The following TXNDC15 variants were observed in gnomAD, a reference collection of about 807,000 sequenced individuals.
TXNDC15 encodes the protein thioredoxin domain containing 15.
Under a neutral mutation model 35.0 loss-of-function variants are expected in TXNDC15, and 24 were observed. The ratio of observed to expected loss-of-function variants is 0.68; its 90% CI spans 0.50 to 0.96. The LOEUF (loss-of-function observed/expected upper bound fraction) is 0.96. Ranked by LOEUF, TXNDC15 falls within the 40% of genes least tolerant of loss-of-function variation. The pLI is 0.00. For synonymous variants in TXNDC15, 169 were observed against 174.0 expected, an observed-to-expected ratio of 0.97 and a Z score of 0.23; for missense variants, 385 against 453.3, an observed-to-expected ratio of 0.85 and a Z score of 1.37.
intron 1 of TXNDC15, chr5:134,875,134 T>A (rs1050824503): frequency 2.2e-6 from 1 of 456,138 alleles, no homozygotes; most frequent in African/African-American, 2.0e-5. Flanking sequence ...CTCAGCTCCC[T>A]GCATGAAAAA....
At position 134,887,698 on chromosome 5, in the gene TXNDC15, C is replaced by T; in HGVS notation, c.107C>T (p.Ala36Val). The T allele has an allele frequency of 1.3e-6, 2 of 1,564,078 alleles. No individual in the cohort carries two copies. The highest frequency in any genetic ancestry group is 2.7e-5 in the African/African-American group (2 of 73,532). Residue 36 changes from alanine to valine, a missense_variant, in exon 2 of 5, where the codon GCA becomes GTA. Transcript: ENST00000358387. ...TGAATGTGCTGGCATGTTTTAGTTG[C>T]AGAGGAAAGTGGTCGCTTATGGTCA... Reference protein sequence around the residue: ...LGLPVRGVEVAEESGRLWSEE... With the variant: ...LGLPVRGVEVVEESGRLWSEE...
intron 2 of TXNDC15, among the ~76,000 whole-genome samples, chr5:134,891,405 T>G (rs1750385352): frequency 6.6e-6 from 1 of 152,188 alleles, no homozygotes; most frequent in South Asian, 2.1e-4. Flanking sequence ...CTTGTGCATC[T>G]CCACCAGAAC....
At chr5:134,898,030 A>G (rs1251316914) in intron 4 of TXNDC15, among the ~76,000 whole-genome samples, 1 of 151,910 alleles carries the variant, frequency 6.6e-6, no homozygotes, top group Non-Finnish European at 1.5e-5. Flanking sequence ...AAAAAAAAAA[A>G]GAGAAACAGA....
In TXNDC15 at chr5:134,900,765, A is replaced by T. The variant is rs1750585436; in HGVS notation, c.*1080A>T. The T allele has an allele frequency of 6.6e-6, 1 of 152,278 alleles. No homozygotes were observed. Among genetic ancestry groups the T allele is most frequent in the South Asian group, 2.1e-4 (1 of 4,834 alleles). 9.4% of individuals were successfully genotyped at this position (152,278 alleles called of 1,614,324 possible). A position where few individuals can be genotyped will look rare whatever the true frequency, so the allele number is the denominator to read the frequency against. The stretch of plus-strand genomic sequence containing the variant: ...TCTAGTTCAAGACACATGTTTAGTA[A>T]AGAGACAACATGTAATTTAAACAAA... On this transcript the variant is annotated 3_prime_UTR_variant, in exon 5 of 5. Transcript: ENST00000358387.
At chr5:134,881,682 C>T (rs1195266467) in intron 1 of TXNDC15, among the ~76,000 whole-genome samples, 2 of 145,498 alleles carry the variant, frequency 1.4e-5, no homozygotes, top group East Asian at 2.1e-4. Context: ...CATCATGGCC[C>T]GTTCTCAATG....
At position 134,878,727 on chromosome 5, in the gene TXNDC15, A is replaced by C. The variant is rs547029243; in HGVS notation, c.103+4197A>C. Reference sequence around the variant, plus strand: ...AAAAGGCACATTACCAGTCGGGTGCAGTGGCTCACGCCTGTAATCCCAGCA... The same window carrying C: ...AAAAGGCACATTACCAGTCGGGTGCCGTGGCTCACGCCTGTAATCCCAGCA... On this transcript the variant is annotated intron_variant, in intron 1 of 4. Coordinates refer to ENST00000358387, the MANE Select transcript of TXNDC15 (RefSeq NM_024715.4). Among the ~76,000 whole-genome samples the C allele has an allele frequency of 2.6e-5, 4 of 152,290 alleles. No homozygotes were observed. In the East Asian group the frequency reaches 7.7e-4, roughly 29 times the overall value.
At chr5:134,897,601 C>T (rs1477378325) in intron 4 of TXNDC15, among the ~76,000 whole-genome samples, 1 of 152,238 alleles carries the variant, frequency 6.6e-6, no homozygotes, top group Non-Finnish European at 1.5e-5. Flanking sequence ...ACATACCATA[C>T]ACTTTACTTA....
chr5:134,874,186 C>T, upstream of TXNDC15: 2 of 497,926 alleles, frequency 4.0e-6, no homozygotes, highest in South Asian at 5.2e-5. Flanking sequence ...CTGGGGTCAG[C>T]AGAGTTCAAA....
At chr5:134,893,706 G>A in intron 3 of TXNDC15, 51 bp downstream of exon 3, 1 of 1,608,748 alleles carries the variant, frequency 6.2e-7, no homozygotes, top group African/African-American at 1.3e-5. Flanking sequence ...GATGGTTGCA[G>A]TTATTTGGAG....
chr5:134,888,078 G>A lies in TXNDC15; in HGVS notation c.487G>A (p.Asp163Asn). 1.2e-6 allele frequency: 2 copies of A among 1,614,194 alleles called. No homozygotes were observed. Among genetic ancestry groups the A allele is most frequent in the South Asian group, 1.1e-5 (1 of 91,084 alleles). ...GGAATCTGACGCAGCCCCGACAGAG[G>A]ACTCCAATAACACTGAAAGTCTGAA... ...VAESDAAPTE[D>N]SNNTESLKSP... The change falls in exon 2 of 5, where the codon GAC (aspartate) becomes AAC (asparagine). Residue 163 changes from aspartate to asparagine, a missense_variant. Asp to Asn is a conservative substitution (Grantham distance 23, BLOSUM62 1). Transcript: ENST00000358387.
chr5:134,884,962 G>A (rs1750246543), intron 1 of TXNDC15, among the ~76,000 whole-genome samples: 1 of 144,402 alleles, frequency 6.9e-6, no homozygotes, highest in Non-Finnish European at 1.5e-5. Flanking sequence ...CTCTCTTGTT[G>A]CCCAGGCTGG....
At chr5:134,894,952 T>C (rs1159444174) in intron 3 of TXNDC15, among the ~76,000 whole-genome samples, 2 of 152,024 alleles carry the variant, frequency 1.3e-5, no homozygotes, top group Admixed American at 6.6e-5. Context: ...GGTAGAAGGA[T>C]TGCTTGAGCC....
chr5:134,875,336 T>C (rs781069396), intron 1 of TXNDC15: 15 of 456,132 alleles, frequency 3.3e-5, no homozygotes, highest in Non-Finnish European at 6.2e-5. Flanking sequence ...AATAGGCAGG[T>C]CTTTCTTTTC....
chr5:134,897,524 C>T (rs893785136), intron 4 of TXNDC15, among the ~76,000 whole-genome samples: 1 of 152,236 alleles, frequency 6.6e-6, no homozygotes, highest in Non-Finnish European at 1.5e-5. Flanking sequence ...GCTCAGATTA[C>T]AGGTGTGAGC....
At chr5:134,877,124 G>T (rs753942910) in intron 1 of TXNDC15, among the ~76,000 whole-genome samples, 22 of 152,188 alleles carry the variant, frequency 1.4e-4, no homozygotes, top group African/African-American at 5.3e-4. Context: ...GAGGGTCAGG[G>T]AATGTGTCCT....
chr5:134,898,829 C>T (rs984599708), intron 4 of TXNDC15, among the ~76,000 whole-genome samples: 1 of 152,158 alleles, frequency 6.6e-6, no homozygotes, highest in African/African-American at 2.4e-5. Flanking sequence ...GATCCCAACA[C>T]TTTGGGAGGC....
In TXNDC15 at chr5:134,893,306, C is replaced by G. The variant is rs549090269; in HGVS notation, c.592-186C>G. On this transcript the variant is annotated intron_variant, in intron 2 of 4. Transcript: ENST00000358387. ...GAAAGTTTATAACTTGTCATTTGAT[C>G]ATACTTTTTTGCTGGTTCCTGGATT... The G allele has an allele frequency of 6.5e-5, 37 of 569,158 alleles. No individual in the cohort carries two copies. The East Asian group carries it at 1.0e-3, about 16-fold the overall frequency. The allele number at this position is 569,158 out of a possible 1,614,324, so 35.3% of individuals were successfully genotyped here. A position where few individuals can be genotyped will look rare whatever the true frequency, so the allele number is the denominator to read the frequency against.
At chr5:134,877,561 T>C (rs1404760071) in intron 1 of TXNDC15, among the ~76,000 whole-genome samples, 2 of 151,958 alleles carry the variant, frequency 1.3e-5, no homozygotes, top group African/African-American at 4.8e-5. Context: ...AAGTGTTAGT[T>C]GGGATGGGGA....
intron 4 of TXNDC15, among the ~76,000 whole-genome samples, chr5:134,898,873 G>A (rs183644940): frequency 5.7e-4 from 87 of 152,274 alleles, no homozygotes; most frequent in African/African-American, 2.0e-3. Context: ...TCTGGAGTTC[G>A]AGACCAGCCT....
Sources: allele counts gnomAD v4.1 joint callset (sites outside exome capture counted in the v4.1 genomes callset), GRCh38; gene constraint gnomAD v4.1.1; transcripts MANE v1.5; gene names NCBI Gene and HGNC (gene_info 2026-07-23, HGNC 2026-07-21).